LRP1-AS: variants seen among roughly 807,000 people sequenced by gnomAD.
LRP1-AS encodes the protein LRP1 antisense RNA.
At chr12:57,144,856 C>A in exon 2 of LRP1-AS, 2 of 1,047,862 alleles carry the variant, frequency 1.9e-6, no homozygotes, top group Non-Finnish European at 1.5e-6. Context: ...TAGATTCTGC[C>A]GAACTGTCCT....
chr12:57,145,090 G>A (rs1375723675), intron 1 of LRP1-AS: 2 of 1,613,964 alleles, frequency 1.2e-6, no homozygotes, highest in Non-Finnish European at 1.7e-6. Flanking sequence ...GCTCCTGCAA[G>A]GCCAAGAACG....
At chr12:57,146,474 G>C (rs140261544) in intron 1 of LRP1-AS, 1 of 152,348 alleles carries the variant, frequency 6.6e-6, no homozygotes, top group East Asian at 1.9e-4. Context: ...TGAGGATTGT[G>C]AACCTTGGGC....
chr12:57,145,242 C>T (rs2035379775), intron 1 of LRP1-AS: 1 of 1,614,026 alleles, frequency 6.2e-7, no homozygotes, highest in Non-Finnish European at 8.5e-7. Context: ...GTAGACCGGC[C>T]CCCTGTGCTG....
intron 1 of LRP1-AS, chr12:57,145,099 C>T (rs748684528): frequency 5.3e-5 from 85 of 1,613,778 alleles, no homozygotes; most frequent in Non-Finnish European, 6.9e-5. Context: ...AGGCCAAGAA[C>T]GGTGGGTGGG....
chr12:57,144,841 T>C (rs1054307307), exon 2 of LRP1-AS: 7 of 890,078 alleles, frequency 7.9e-6, no homozygotes, highest in Non-Finnish European at 1.3e-5. Flanking sequence ...CATTTCATGC[T>C]GTAATAGATT....
At chr12:57,146,083 G>A (rs2035400549) in intron 1 of LRP1-AS, among the ~76,000 whole-genome samples, 1 of 152,158 alleles carries the variant, frequency 6.6e-6, no homozygotes, top group African/African-American at 2.4e-5. Flanking sequence ...TTCCATTCAG[G>A]CTTCTCCCTA....
intron 1 of LRP1-AS, chr12:57,145,324 G>A (rs577326650): frequency 1.4e-5 from 23 of 1,614,100 alleles, no homozygotes; most frequent in Non-Finnish European, 1.9e-5. Context: ...TCACACCTAC[G>A]AGCACGCGGC....
At chr12:57,145,550 A>G (rs530479629) in intron 1 of LRP1-AS, 2 of 1,581,508 alleles carry the variant, frequency 1.3e-6, no homozygotes, top group African/African-American at 2.7e-5. Flanking sequence ...GGGAAGGTGG[A>G]CCCTATCTTG....
At chr12:57,145,330 G>T (rs149364490) in intron 1 of LRP1-AS, 19 of 1,614,034 alleles carry the variant, frequency 1.2e-5, no homozygotes, top group Non-Finnish European at 1.5e-5. Flanking sequence ...CTACGAGCAC[G>T]CGGCAGACCA....
At chr12:57,146,525 G>A (rs1361759461) in intron 1 of LRP1-AS, 1 of 152,226 alleles carries the variant, frequency 6.6e-6, no homozygotes, top group Non-Finnish European at 1.5e-5. Flanking sequence ...TGGTTCTTGT[G>A]ATGAAAAGAA....
intron 1 of LRP1-AS, chr12:57,145,109 G>A: frequency 6.2e-7 from 1 of 1,613,836 alleles, no homozygotes; most frequent in Non-Finnish European, 8.5e-7. Context: ...CGGTGGGTGG[G>A]GTTGCCTCTG....
chr12:57,145,039 A>G (rs199970831), exon 2 of LRP1-AS: 255 of 1,613,970 alleles, frequency 1.6e-4, no homozygotes, highest in Non-Finnish European at 2.0e-4. Flanking sequence ...GCTCCTTCAT[A>G]TGTGGCTGTG....
chr12:57,144,721 A>G (rs1449117034), exon 2 of LRP1-AS: 8 of 528,086 alleles, frequency 1.5e-5, no homozygotes, highest in African/African-American at 5.7e-5. Flanking sequence ...CTGGCACCTG[A>G]CCCATAGTAG....
At chr12:57,145,257 T>C in intron 1 of LRP1-AS, 2 of 1,614,118 alleles carry the variant, frequency 1.2e-6, no homozygotes, top group Non-Finnish European at 1.7e-6. Context: ...GTGCTGTTGA[T>C]AGCCAACTCC....
exon 2 of LRP1-AS, chr12:57,144,641 A>G (rs2035361942): frequency 3.3e-6 from 1 of 298,950 alleles, no homozygotes; most frequent in Non-Finnish European, 6.4e-6. Context: ...ACTATATTTC[A>G]TTTATTATCT....
At chr12:57,145,205 C>T (rs1169944848) in intron 1 of LRP1-AS, 1 of 1,613,752 alleles carries the variant, frequency 6.2e-7, no homozygotes, top group Non-Finnish European at 8.5e-7. Flanking sequence ...GCTGCACGGA[C>T]TCTTCTCTTC....
chr12:57,145,032 C>T, exon 2 of LRP1-AS: 1 of 1,614,070 alleles, frequency 6.2e-7, no homozygotes, highest in Non-Finnish European at 8.5e-7. Flanking sequence ...ACAGACGGCT[C>T]CTTCATATGT....
exon 2 of LRP1-AS, chr12:57,144,990 T>C (rs762482482): frequency 1.2e-6 from 2 of 1,614,048 alleles, no homozygotes; most frequent in African/African-American, 2.7e-5. Flanking sequence ...GAGTGCTCAG[T>C]GTACGGCACC....
At chr12:57,144,907 T>C in exon 2 of LRP1-AS, 1 of 1,511,044 alleles carries the variant, frequency 6.6e-7, no homozygotes, top group Non-Finnish European at 9.2e-7. Context: ...TCATGTCTGA[T>C]GATCACCCAC....
Sources: allele counts gnomAD v4.1 joint callset (sites outside exome capture counted in the v4.1 genomes callset), GRCh38; gene constraint gnomAD v4.1.1; transcripts MANE v1.5; gene names NCBI Gene and HGNC (gene_info 2026-07-23, HGNC 2026-07-21).